The following ITGA2B variants were observed in gnomAD, a reference collection of about 807,000 sequenced individuals.
ITGA2B encodes integrin subunit alpha 2b.
A neutral mutation model predicts 142.0 loss-of-function variants in ITGA2B; 91 were observed. The ratio of observed to expected loss-of-function variants is 0.64; its 90% CI spans 0.54 to 0.76. The LOEUF (loss-of-function observed/expected upper bound fraction) is 0.76. Ranked by LOEUF, ITGA2B falls within the 30% of genes least tolerant of loss-of-function variation. The pLI is 0.00. For synonymous variants in ITGA2B, 536 were observed against 567.2 expected, an observed-to-expected ratio of 0.94 and a Z score of 0.78; for missense variants, 1,231 against 1,350.8, an observed-to-expected ratio of 0.91 and a Z score of 1.39.
intron 26 of ITGA2B, 174 bp from the exon 27 acceptor site, chr17:44,375,285 C>G (rs2048531089): frequency 2.9e-6 from 2 of 678,872 alleles, no homozygotes; most frequent in South Asian, 3.3e-5. Flanking sequence ...CACGGGCTTG[C>G]TCACATAGTC....
chr17:44,384,818 G>A, intron 7 of ITGA2B, 130 bp downstream of exon 7: 1 of 1,464,208 alleles, frequency 6.8e-7, no homozygotes, highest in South Asian at 1.1e-5. Context: ...CAGGAGCGGA[G>A]GGCGGGAGCG....
chr17:44,389,138 A>C, intron 1 of ITGA2B, 148 bp downstream of exon 1: 1 of 933,000 alleles, frequency 1.1e-6, no homozygotes, highest in Non-Finnish European at 1.7e-6. Flanking sequence ...CCTGGACCCC[A>C]ACATTCTTGA....
rs750427923 is a variant in ITGA2B at position 44,374,487 on chromosome 17, G to A, written c.2944-17C>T. The A allele has an allele frequency of 6.2e-6, 10 of 1,608,212 alleles. No individual in the cohort carries two copies. Among genetic ancestry groups the A allele is most frequent in the African/African-American group, 2.7e-5 (2 of 74,762 alleles). On this transcript the variant is annotated splice_polypyrimidine_tract_variant and intron_variant, in intron 28 of 29. Transcript: ENST00000262407. ...TGTCCACACCTGGGGGCAAACCCAC[G>A]TGTCTCCTCAGTCACCTTGACACCT...
intron 27 of ITGA2B, 101 bp from the exon 28 acceptor site, chr17:44,374,861 C>T (rs1440143590): frequency 7.9e-6 from 10 of 1,264,968 alleles, no homozygotes; most frequent in Admixed American, 1.9e-5. Flanking sequence ...TGCCTCTGAC[C>T]TAATCCCACT....
chr17:44,379,431 T>C (rs1195487101), intron 18 of ITGA2B, among the ~76,000 whole-genome samples: 2 of 151,874 alleles, frequency 1.3e-5, no homozygotes, highest in African/African-American at 4.8e-5. Context: ...TTTTTGTATT[T>C]TTAGTAGAGA....
Position 44,381,000 on chromosome 17 carries a change from C to T in ITGA2B, c.1272G>A (p.Leu424=). 3 of 1,613,320 alleles carry T rather than the reference C, an allele frequency of 1.9e-6. No individual in the cohort carries two copies. The highest frequency in any genetic ancestry group is 2.5e-6 in the Non-Finnish European group (3 of 1,179,502). The change falls in exon 13 of 30, where the codon CTG becomes CTA. Residue 424 remains leucine, a synonymous_variant. Transcript: ENST00000262407. The part of the protein sequence containing the change: ...PSGRGQVLVF[L]GQSEGLRSRP... ...GTGACCTCAGCCCCTCACTCTGACC[C>T]AGGAACACCAGCACTTGGCCCCGGC...
chr17:44,385,809 T>A lies in ITGA2B; in HGVS notation c.408+15A>T. On this transcript the variant is annotated intron_variant, in intron 3 of 29. Transcript: ENST00000262407. ...GCCCCCGATTGTTCCCTGTGCCCTG[T>A]ACCGCGGGGCCCACCACAATGACGT... 6.2e-7 allele frequency: 1 copy of A among 1,605,774 alleles called. No homozygotes were observed.
At chr17:44,380,857 A>G (rs776413564) in intron 13 of ITGA2B, 22 bp downstream of exon 13, 2 of 1,613,850 alleles carry the variant, frequency 1.2e-6, no homozygotes. Context: ...GGGCATTTCT[A>G]GCTGGAGGCA....
At chr17:44,381,436 T>C (rs901933310) in intron 12 of ITGA2B, among the ~76,000 whole-genome samples, 2 of 151,748 alleles carry the variant, frequency 1.3e-5, no homozygotes, top group African/African-American at 4.8e-5. Context: ...TTAAAGTGAT[T>C]CTTGTGCCTC....
In ITGA2B at chr17:44,384,537, C is replaced by A; in HGVS notation, c.847+1G>T. On this transcript the variant is annotated splice_donor_variant, in intron 8 of 29. Transcript: ENST00000262407. LOFTEE classifies it high-confidence loss of function. ...ACTCCCGCCCTAAGTGGATTTCTTG[C>A]CTGTAGTGTTGAGATCCCCGTCGAA... 1 of 1,614,098 alleles carries A rather than the reference C, an allele frequency of 6.2e-7. No individual in the cohort carries two copies. The highest frequency in any genetic ancestry group is 2.2e-5 in the East Asian group (1 of 44,886).
chr17:44,386,281 C>T (rs1455359035), intron 1 of ITGA2B, 150 bp from the exon 2 acceptor site: 1 of 1,224,920 alleles, frequency 8.2e-7, no homozygotes, highest in Non-Finnish European at 1.1e-6. Context: ...CCGTGATGTA[C>T]TTCTTCATCT....
rs1365713263 is a variant in ITGA2B at position 44,383,508 on chromosome 17, G to C, written c.1195C>G (p.Arg399Gly). Residue 399 changes from arginine (R) to glycine (G), a missense_variant, in exon 12 of 30, where the codon CGG becomes GGG. Arg to Gly is a moderately radical substitution (Grantham distance 125, BLOSUM62 -2). Transcript: ENST00000262407. ...SAIAPLGDLD[R>G]DGYNDIAVAA... The stretch of plus-strand genomic sequence containing the variant: ...CTTCCCTCACCATTGTAGCCATCCC[G>C]GTCGAGGTCGCCCAGGGGTGCGATG... 6.2e-7 allele frequency: 1 copy of C among 1,609,448 alleles called. No individual in the cohort carries two copies. Among genetic ancestry groups the C allele is most frequent in the Admixed American group, 1.7e-5 (1 of 59,912 alleles).
At chr17:44,384,753 C>T (rs1210993324) in intron 7 of ITGA2B, among the ~76,000 whole-genome samples, 168 bp from the exon 8 acceptor site, 4 of 152,232 alleles carry the variant, frequency 2.6e-5, no homozygotes, top group African/African-American at 9.6e-5. Context: ...GCTACGAGTC[C>T]GCAGTGGAAG....
rs1471549127 is a variant in ITGA2B, at chr17:44,377,755, C to T, written c.2130G>A (p.Glu710=). 9 of 1,613,730 alleles carry T rather than the reference C, an allele frequency of 5.6e-6. No homozygotes were observed. In the Admixed American group the frequency reaches 1.5e-4, roughly 27 times the overall value. The change falls in exon 21 of 30, where the codon GAG becomes GAA. Residue 710 remains glutamate (E), a synonymous_variant. Transcript: ENST00000262407. ...FERLICNQKK[E]NETRVVLCEL... ...CACACAGCACCACCCTGGTCTCATT[C>T]TCCTTCTTCTGATTACAGATGAGTC...
In ITGA2B at chr17:44,386,117, ACCACGATGG is replaced by A. The variant is rs2048647193; in HGVS notation, c.194_202del (p.Ala65_Val67del). On this transcript the variant is annotated inframe_deletion, in exon 2 of 30. Coordinates refer to ENST00000262407, the MANE Select transcript of ITGA2B (RefSeq NM_000419.5). ...GGGGCCCAGGGTCCGCGGGGCGCCC[ACCACGATGG>A]CCACTCTGCATAGGAAAGCTGGGTG... 1 of 1,600,682 alleles carries A rather than the reference ACCACGATGG, an allele frequency of 6.2e-7. No homozygotes were observed. The highest frequency in any genetic ancestry group is 8.5e-7 in the Non-Finnish European group (1 of 1,176,020).
intron 26 of ITGA2B, 184 bp from the exon 27 acceptor site, chr17:44,375,295 C>T (rs911592439): frequency 4.5e-6 from 3 of 662,732 alleles, no homozygotes; most frequent in African/African-American, 1.8e-5. Flanking sequence ...CTCACATAGT[C>T]CCAGAGATGC....
At chr17:44,387,655 G>A (rs1267971290) in intron 1 of ITGA2B, among the ~76,000 whole-genome samples, 1 of 150,838 alleles carries the variant, frequency 6.6e-6, no homozygotes, top group African/African-American at 2.4e-5. Context: ...GAGAAACCTC[G>A]TCTCTACTAA....
Position 44,372,308 on chromosome 17 carries a change from G to C in ITGA2B, c.*56C>G. ...AGCTTGGAGGCAACTTGTTGGAGAAGGGGCGGTGCAGGTAGCACGCCCAAC... is the reference window on the plus strand; with the variant it reads ...AGCTTGGAGGCAACTTGTTGGAGAACGGGCGGTGCAGGTAGCACGCCCAAC... On this transcript the variant is annotated 3_prime_UTR_variant, in exon 30 of 30. Transcript: ENST00000262407. 2 of 1,567,982 alleles carry C rather than the reference G, an allele frequency of 1.3e-6. No homozygotes were observed. Among genetic ancestry groups the C allele is most frequent in the Non-Finnish European group, 1.8e-6 (2 of 1,138,154 alleles).
chr17:44,379,130 G>A (rs1057251976), intron 18 of ITGA2B, among the ~76,000 whole-genome samples: 2 of 130,568 alleles, frequency 1.5e-5, no homozygotes, highest in East Asian at 2.2e-4. Flanking sequence ...TTTTTTTTTT[G>A]TATTTTTAGT....
Sources: gnomAD v4.1 joint callset for allele counts (sites outside exome capture counted in the v4.1 genomes callset) on GRCh38, gnomAD v4.1.1 for gene constraint, MANE v1.5 for transcripts, NCBI Gene and HGNC (gene_info 2026-07-23, HGNC 2026-07-21) for gene names.